The following ATP9B variants were observed in gnomAD, a reference collection of about 807,000 sequenced individuals.
ATP9B encodes ATPase phospholipid transporting 9B.
Under a neutral mutation model 146.1 loss-of-function variants are expected in ATP9B, and 110 were observed. The ratio of observed to expected loss-of-function variants is 0.75; its 90% CI spans 0.65 to 0.88. The LOEUF (loss-of-function observed/expected upper bound fraction) is 0.88, where lower values mean the gene tolerates loss of function less well. Ranked by LOEUF, ATP9B falls within the 40% of genes least tolerant of loss-of-function variation. The pLI, the probability that ATP9B is intolerant of heterozygous loss-of-function variation, is 0.00. For missense variants in ATP9B, 1,499 were observed against 1,496.4 expected (o/e 1.00, Z -0.03); for synonymous variants, 604 against 569.7 (o/e 1.06, Z -0.86).
chr18:79,090,023 A>G (rs191322851), intron 1 of ATP9B, among the ~76,000 whole-genome samples: 14 of 152,220 alleles, frequency 9.2e-5, no homozygotes, highest in Non-Finnish European at 1.6e-4. Flanking sequence ...AACATGTGAT[A>G]TTTATCTTTC....
intron 4 of ATP9B, 61 bp downstream of exon 4, chr18:79,113,415 G>A: frequency 9.6e-7 from 1 of 1,046,834 alleles, no homozygotes; most frequent in Non-Finnish European, 1.4e-6. Context: ...AGTTTTAAGA[G>A]TTGAGATGGT....
At chr18:79,146,691 T>A in intron 6 of ATP9B, 1 of 215,816 alleles carries the variant, frequency 4.6e-6, no homozygotes. Context: ...ATCTGTCTCA[T>A]CCCTGACCAC....
intron 13 of ATP9B, among the ~76,000 whole-genome samples, chr18:79,288,551 G>T (rs1302152615): frequency 6.6e-6 from 1 of 151,750 alleles, no homozygotes; most frequent in Non-Finnish European, 1.5e-5. Context: ...ACACTGATGG[G>T]TCTTGACTCT....
At chr18:79,311,124 C>G (rs1032382124) in intron 15 of ATP9B, among the ~76,000 whole-genome samples, 4 of 150,316 alleles carry the variant, frequency 2.7e-5, no homozygotes, top group African/African-American at 9.8e-5. Flanking sequence ...TGCACTCCAG[C>G]CTGGGCGACA....
At chr18:79,102,797 A>G (rs2075377570) in intron 2 of ATP9B, among the ~76,000 whole-genome samples, 1 of 152,128 alleles carries the variant, frequency 6.6e-6, no homozygotes, top group South Asian at 2.1e-4. Flanking sequence ...TTTTATTTGA[A>G]GATAATTTGA....
At chr18:79,281,269 G>C (rs1373266435) in intron 13 of ATP9B, among the ~76,000 whole-genome samples, 1 of 152,138 alleles carries the variant, frequency 6.6e-6, no homozygotes, top group African/African-American at 2.4e-5. Flanking sequence ...GGCTGAGGCG[G>C]GTGGATCACC....
intron 7 of ATP9B, among the ~76,000 whole-genome samples, chr18:79,171,138 A>C (rs2095064074): frequency 6.6e-6 from 1 of 152,238 alleles, no homozygotes; most frequent in African/African-American, 2.4e-5. Flanking sequence ...AAGATTTGAA[A>C]GTATATTTGA....
intron 1 of ATP9B, among the ~76,000 whole-genome samples, chr18:79,091,336 G>A (rs1249774604): frequency 6.6e-6 from 1 of 152,110 alleles, no homozygotes; most frequent in Non-Finnish European, 1.5e-5. Flanking sequence ...TTGGTATTTC[G>A]ATAGGGATTG....
chr18:79,109,929 A>G (rs2075893240), intron 2 of ATP9B, among the ~76,000 whole-genome samples: 1 of 152,172 alleles, frequency 6.6e-6, no homozygotes, highest in Non-Finnish European at 1.5e-5. Flanking sequence ...TTAAGAGTGG[A>G]AAAAGTGATT....
intron 12 of ATP9B, among the ~76,000 whole-genome samples, chr18:79,269,678 T>TTCCCAA (rs1472714773): frequency 1.3e-5 from 2 of 152,214 alleles, no homozygotes; most frequent in Non-Finnish European, 2.9e-5. Context: ...AAACTAATTA[T>TTCCCAA]AGGAATCATT....
At chr18:79,319,440 G>A (rs890173092) in intron 15 of ATP9B, among the ~76,000 whole-genome samples, 1 of 151,842 alleles carries the variant, frequency 6.6e-6, no homozygotes, top group African/African-American at 2.4e-5. Context: ...TGAATAGGGA[G>A]GGAACACTGA....
At chr18:79,281,813 C>T (rs2096380130) in intron 13 of ATP9B, among the ~76,000 whole-genome samples, 1 of 152,142 alleles carries the variant, frequency 6.6e-6, no homozygotes, top group African/African-American at 2.4e-5. Flanking sequence ...CACCGGAGGT[C>T]GGGAGTTCAA....
chr18:79,180,361 C>T (rs116518825), intron 8 of ATP9B, among the ~76,000 whole-genome samples: 155 of 152,112 alleles, frequency 1.0e-3, no homozygotes, highest in African/African-American at 3.6e-3. Context: ...TAGCTATGTA[C>T]GTTAGTTCTG....
At chr18:79,080,623 G>C (rs888799406) in intron 1 of ATP9B, among the ~76,000 whole-genome samples, 2 of 152,034 alleles carry the variant, frequency 1.3e-5, no homozygotes, top group African/African-American at 4.8e-5. Context: ...TCTTTCTTTT[G>C]CCTGATTGCC....
intron 13 of ATP9B, 79 bp from the exon 14 acceptor site, chr18:79,303,525 A>G (rs2146473186): frequency 5.4e-6 from 6 of 1,121,230 alleles, no homozygotes; most frequent in Non-Finnish European, 8.1e-6. Flanking sequence ...AATGTGCAGC[A>G]TGCCTGCATG....
chr18:79,135,883 T>C (rs2094441506), intron 5 of ATP9B, among the ~76,000 whole-genome samples: 1 of 152,146 alleles, frequency 6.6e-6, no homozygotes, highest in Non-Finnish European at 1.5e-5. Flanking sequence ...GTCAGTACTG[T>C]TTTTTGAAAA....
At chr18:79,113,393 T>G (rs1452361388) in intron 4 of ATP9B, 39 bp downstream of exon 4, 10 of 1,207,872 alleles carry the variant, frequency 8.3e-6, no homozygotes, top group Non-Finnish European at 1.2e-5. Flanking sequence ...AATTATGAAA[T>G]ATTTAGAATA....
intron 6 of ATP9B, among the ~76,000 whole-genome samples, chr18:79,153,518 C>G (rs980446860): frequency 3.9e-5 from 6 of 152,114 alleles, no homozygotes; most frequent in African/African-American, 1.2e-4. Context: ...GACCACAGTC[C>G]TCCTCACTTT....
chr18:79,336,573 C>A, intron 17 of ATP9B, 55 bp from the exon 18 acceptor site: 1 of 1,540,636 alleles, frequency 6.5e-7, no homozygotes, highest in South Asian at 1.1e-5. Context: ...TGGCCCCACA[C>A]ACGGCCACAG....
Sources: gnomAD v4.1 joint callset for allele counts (sites outside exome capture counted in the v4.1 genomes callset) on GRCh38, gnomAD v4.1.1 for gene constraint, MANE v1.5 for transcripts, NCBI Gene and HGNC (gene_info 2026-07-23, HGNC 2026-07-21) for gene names.